The following DCLK1 variants were observed in gnomAD, a reference collection of about 807,000 sequenced individuals.
DCLK1 encodes serine/threonine-protein kinase DCLK1.
A neutral mutation model predicts 86.2 loss-of-function variants in DCLK1; 16 were observed. The observed-to-expected ratio is 0.19, with a 90% CI of 0.13 to 0.28. The LOEUF is 0.28. DCLK1 is among the 10% of genes least tolerant of loss of function. DCLK1 has a pLI of 1.00. For missense variants in DCLK1, 590 were observed against 940.2 expected (o/e 0.63, Z 4.87); for synonymous variants, 369 against 370.5 (o/e 1.00, Z 0.05).
chr13:36,111,726 TA>T (rs1885624705), intron 3 of DCLK1, 142 bp downstream of exon 3: 2 of 661,984 alleles, frequency 3.0e-6, no homozygotes, highest in African/African-American at 1.8e-5. Context: ...CTGACTGTTC[TA>T]GGGCCAGCAA....
At chr13:35,950,939 G>A (rs1398065365) in intron 3 of DCLK1, among the ~76,000 whole-genome samples, 3 of 151,794 alleles carry the variant, frequency 2.0e-5, no homozygotes, top group Admixed American at 1.3e-4. Context: ...GTCAGTCCAG[G>A]GCTCGTCCTC....
chr13:35,973,065 C>G (rs1219628442), intron 3 of DCLK1, among the ~76,000 whole-genome samples: 1 of 152,006 alleles, frequency 6.6e-6, no homozygotes, highest in East Asian at 1.9e-4. Context: ...TCCACGAAGA[C>G]AGAGAAAGAA....
intron 3 of DCLK1, among the ~76,000 whole-genome samples, chr13:36,067,864 TCTG>T (rs1427041403): frequency 1.3e-5 from 2 of 152,040 alleles, no homozygotes; most frequent in Non-Finnish European, 2.9e-5. Flanking sequence ...ATGAGAAGAG[TCTG>T]CTGCCCCCCA....
chr13:36,047,468 T>A (rs781715687), intron 3 of DCLK1, among the ~76,000 whole-genome samples: 2 of 152,134 alleles, frequency 1.3e-5, no homozygotes, highest in Non-Finnish European at 2.9e-5. Flanking sequence ...AAACATAGTA[T>A]ATATATCTGC....
At chr13:35,847,260 C>G in intron 6 of DCLK1, 1 of 985,142 alleles carries the variant, frequency 1.0e-6, no homozygotes, top group African/African-American at 1.7e-5. Flanking sequence ...ACCAGTTGAG[C>G]AAACTGCTTT....
chr13:35,822,989 G>T (rs1041157759), intron 10 of DCLK1, 114 bp from the exon 11 acceptor site: 70 of 1,267,748 alleles, frequency 5.5e-5, no homozygotes, highest in Non-Finnish European at 4.4e-5. Context: ...GAATCTTTGG[G>T]TTCCTAAAGG....
chr13:36,084,537 T>C (rs984768797), intron 3 of DCLK1, among the ~76,000 whole-genome samples: 5 of 152,136 alleles, frequency 3.3e-5, no homozygotes, highest in Admixed American at 3.3e-4. Context: ...AACTGAATTA[T>C]AAAGGAGGGG....
At chr13:35,827,830 C>G in intron 9 of DCLK1, 76 bp from the exon 10 acceptor site, 2 of 1,559,466 alleles carry the variant, frequency 1.3e-6, no homozygotes, top group Non-Finnish European at 1.7e-6. Context: ...TACAACTATA[C>G]TATGTAAGGG....
intron 3 of DCLK1, among the ~76,000 whole-genome samples, chr13:36,064,362 T>C (rs972916037): frequency 5.9e-5 from 9 of 152,134 alleles, no homozygotes; most frequent in African/African-American, 1.9e-4. Flanking sequence ...CTTTAGTCCA[T>C]AAGAAAGTAG....
intron 2 of DCLK1, among the ~76,000 whole-genome samples, chr13:36,122,490 A>C (rs1886026532): frequency 6.6e-6 from 1 of 152,222 alleles, no homozygotes. Context: ...AAAGAAGGAC[A>C]AATCAGTCAA....
At chr13:35,834,073 G>A (rs1399366522) in intron 8 of DCLK1, among the ~76,000 whole-genome samples, 1 of 152,140 alleles carries the variant, frequency 6.6e-6, no homozygotes, top group Admixed American at 6.5e-5. Flanking sequence ...AACAGCACAT[G>A]CCACCATGTC....
At chr13:35,809,156 G>T in intron 12 of DCLK1, 61 bp from the exon 13 acceptor site, 1 of 1,401,590 alleles carries the variant, frequency 7.1e-7, no homozygotes, top group Non-Finnish European at 9.8e-7. Context: ...ATGCAGCTTG[G>T]TAAAATCAAT....
At position 35,809,078 on chromosome 13, in the gene DCLK1, T is replaced by C; in HGVS notation, c.1706A>G (p.Asp569Gly). ...IAETGYGLKV[D>G]IWAAGVITYI... ...AGTGATTACACCTGCTGCCCAGATG[T>C]CCACCTTGAGGCCGTATCTGGAAAA... Residue 569 changes from aspartate (D) to glycine (G), a missense_variant, in exon 13 of 17, where the codon GAC (aspartate) becomes GGC (glycine). Around this residue, in one of 6 missense-constraint regions of DCLK1, gnomAD observed 28 missense variants for 77.1 expected, o/e 0.36. Transcript: ENST00000360631. The C allele has an allele frequency of 6.2e-7, 1 of 1,611,644 alleles. No homozygotes were observed. The highest frequency in any genetic ancestry group is 8.5e-7 in the Non-Finnish European group (1 of 1,178,396).
chr13:35,873,682 G>A lies in DCLK1; in HGVS notation c.824-2342C>T, dbSNP rs1320812369. ...ATTACAGGTGTGAGCCACCATGCCC[G>A]GCCTCAAATTGTACTTTTATAGACA... On this transcript the variant is annotated intron_variant, in intron 4 of 16. Coordinates refer to ENST00000360631, the MANE Select transcript of DCLK1 (RefSeq NM_001330071.2). 3.3e-5 allele frequency among the ~76,000 whole-genome samples: 5 copies of A among 152,042 alleles called. No individual in the cohort carries two copies. The South Asian group carries it at 6.2e-4, about 19-fold the overall frequency.
intron 3 of DCLK1, among the ~76,000 whole-genome samples, chr13:36,038,969 A>G (rs547659397): frequency 2.0e-5 from 3 of 152,342 alleles, no homozygotes; most frequent in Admixed American, 2.0e-4. Flanking sequence ...CTAACATTTC[A>G]TGATTCACAG....
intron 3 of DCLK1, among the ~76,000 whole-genome samples, chr13:36,100,524 G>T (rs561325441): frequency 1.3e-5 from 2 of 152,140 alleles, no homozygotes; most frequent in African/African-American, 4.8e-5. Context: ...ATCAACCAAC[G>T]ACAGAAACGA....
chr13:35,901,040 A>G (rs562289996), intron 4 of DCLK1, among the ~76,000 whole-genome samples: 1 of 152,340 alleles, frequency 6.6e-6, no homozygotes, highest in South Asian at 2.1e-4. Flanking sequence ...ACAAGAAATA[A>G]GGAAATGTTC....
At chr13:36,131,812 G>A (rs1886369659), upstream of DCLK1, among the ~76,000 whole-genome samples, 1 of 152,210 alleles carries the variant, frequency 6.6e-6, no homozygotes, top group Non-Finnish European at 1.5e-5. Flanking sequence ...CCCAGGGTAT[G>A]GAAGCCAGTG....
chr13:36,063,811 A>G (rs1883644426), intron 3 of DCLK1, among the ~76,000 whole-genome samples: 1 of 152,212 alleles, frequency 6.6e-6, no homozygotes, highest in Non-Finnish European at 1.5e-5. Flanking sequence ...TAACAGCTTT[A>G]TTAATTAGCA....
Sources: gnomAD v4.1 joint callset for allele counts (sites outside exome capture counted in the v4.1 genomes callset) on GRCh38, gnomAD v4.1.1 for gene constraint, gnomAD v4.1.1 regional missense constraint, MANE v1.5 for transcripts, NCBI Gene and HGNC (gene_info 2026-07-23, HGNC 2026-07-21) for gene names.